LRRFIP1: variants seen among roughly 807,000 people sequenced by gnomAD.
LRRFIP1 encodes LRR binding FLII interacting protein 1.
LRRFIP1 carries 62 observed loss-of-function variants against 104.4 expected under a neutral mutation model. That is an observed-to-expected ratio of 0.59 (90% CI 0.48 to 0.73). The LOEUF (loss-of-function observed/expected upper bound fraction) is 0.73. Ranked by LOEUF, LRRFIP1 falls within the 30% of genes least tolerant of loss-of-function variation. LRRFIP1 has a pLI of 0.00. For missense variants in LRRFIP1, 796 were observed against 824.5 expected (o/e 0.97, Z 0.42); for synonymous variants, 300 against 299.0 (o/e 1.00, Z -0.03).
At chr2:237,774,575 A>G (rs2060923311) in intron 23 of LRRFIP1, 113 bp downstream of exon 23, 7 of 714,468 alleles carry the variant, frequency 9.8e-6, no homozygotes, top group South Asian at 8.8e-5. Context: ...GGTCATTGTC[A>G]GATCATCCCA....
intron 19 of LRRFIP1, chr2:237,763,138 A>G (rs1372690599): frequency 1.9e-6 from 3 of 1,614,098 alleles, no homozygotes; most frequent in African/African-American, 1.3e-5. Flanking sequence ...TAGAGAAAGA[A>G]TTCACCAACC....
chr2:237,686,755 G>T (rs534932446), intron 1 of LRRFIP1, among the ~76,000 whole-genome samples: 49 of 152,390 alleles, frequency 3.2e-4, no homozygotes, highest in African/African-American at 1.2e-3. Flanking sequence ...TCCACCGGAG[G>T]CAGTCAGGAC....
chr2:237,629,256 C>G (rs2082004470), intron 1 of LRRFIP1, among the ~76,000 whole-genome samples: 1 of 152,186 alleles, frequency 6.6e-6, no homozygotes, highest in African/African-American at 2.4e-5. Context: ...TAGACATTTG[C>G]TAAATATAGT....
chr2:237,758,587 G>C, intron 17 of LRRFIP1, 142 bp from the exon 18 acceptor site: 1 of 583,924 alleles, frequency 1.7e-6, no homozygotes, highest in Non-Finnish European at 3.0e-6. Context: ...GATTTTGTTA[G>C]TATCTTTAGG....
In LRRFIP1 at chr2:237,743,366, G is replaced by A. The variant is rs551465788; in HGVS notation, c.633+4057G>A. On this transcript the variant is annotated intron_variant, in intron 11 of 23. Transcript: ENST00000308482. Reference sequence around the variant, plus strand: ...AGGAAGTGACTGCTTGTCCCACTTCGAGAAAATGAAAATGCTTCAGTGTCC... The same window carrying A: ...AGGAAGTGACTGCTTGTCCCACTTCAAGAAAATGAAAATGCTTCAGTGTCC... Among the ~76,000 whole-genome samples the A allele has an allele frequency of 2.3e-4, 35 of 152,276 alleles. 1 individual carries two copies. In the South Asian group the frequency reaches 6.4e-3, roughly 28 times the overall value.
At chr2:237,760,266 A>C in intron 19 of LRRFIP1, 61 bp downstream of exon 19, 2 of 1,582,300 alleles carry the variant, frequency 1.3e-6, no homozygotes, top group Non-Finnish European at 1.7e-6. Flanking sequence ...TTCACCCTCC[A>C]TGCACTGCTG....
At chr2:237,774,212 C>T (rs888701622) in intron 22 of LRRFIP1, 146 bp from the exon 23 acceptor site, 2 of 619,876 alleles carry the variant, frequency 3.2e-6, no homozygotes, top group African/African-American at 3.7e-5. Flanking sequence ...GGCTCAAACC[C>T]ACACCATAGT....
chr2:237,735,626 G>T lies in LRRFIP1; in HGVS notation c.555+293G>T. 1 of 337,342 alleles carries T rather than the reference G, an allele frequency of 3.0e-6. No individual in the cohort carries two copies. The highest frequency in any genetic ancestry group is 2.1e-5 in the African/African-American group (1 of 47,322). The allele number at this position is 337,342 out of a possible 1,614,324, so 20.9% of individuals were successfully genotyped here. On this transcript the variant is annotated intron_variant, in intron 10 of 23. Transcript: ENST00000308482. The surrounding 1 kb of genome is among the most constrained non-coding windows in gnomAD (Gnocchi z 4.6). ...ACTAACAGGTGGTGAAACCGTCTTC[G>T]GTTAATAAAAACGGGAAAAGGACAA...
At chr2:237,685,104 ACC>A (rs755385140) in intron 1 of LRRFIP1, among the ~76,000 whole-genome samples, 24 of 17,412 alleles carry the variant, frequency 1.4e-3, no homozygotes, top group Non-Finnish European at 2.6e-3. Context: ...TTGTCTCCCT[ACC>A]CTCCCCCCCC....
intron 12 of LRRFIP1, among the ~76,000 whole-genome samples, 173 bp from the exon 13 acceptor site, chr2:237,749,026 G>A (rs867872790): frequency 5.9e-5 from 9 of 152,256 alleles, no homozygotes; most frequent in Admixed American, 1.3e-4. Flanking sequence ...TCTCCTGGGA[G>A]CCCACTCACT....
intron 8 of LRRFIP1, among the ~76,000 whole-genome samples, chr2:237,732,579 A>G (rs375324687): frequency 6.6e-6 from 1 of 152,260 alleles, no homozygotes; most frequent in East Asian, 1.9e-4. Flanking sequence ...ACTTTTGTCA[A>G]TCTTTTAGAA....
At position 237,773,969 on chromosome 2, in the gene LRRFIP1, C is replaced by T. The variant is rs139792438; in HGVS notation, c.1708-389C>T. On this transcript the variant is annotated intron_variant, in intron 22 of 23. Transcript: ENST00000308482. ...TCCTCGCCCTGTCCTTTCCTCCTCC[C>T]ACCCCCGCCACCCCAGGAGAGATTA... The T allele has an allele frequency of 6.0e-5, 10 of 167,524 alleles. No individual in the cohort carries two copies. The East Asian group carries it at 1.5e-3, about 24-fold the overall frequency. 10.4% of individuals were successfully genotyped at this position (167,524 alleles called of 1,614,324 possible). A position where few individuals can be genotyped will look rare whatever the true frequency, so the allele number is the denominator to read the frequency against.
chr2:237,643,140 T>C (rs1349105946), intron 1 of LRRFIP1, among the ~76,000 whole-genome samples: 3 of 152,268 alleles, frequency 2.0e-5, no homozygotes, highest in African/African-American at 7.2e-5. Flanking sequence ...TGTTTCAGGC[T>C]AGTTTGTAGC....
intron 4 of LRRFIP1, among the ~76,000 whole-genome samples, chr2:237,719,268 G>A (rs1355273580): frequency 1.3e-5 from 2 of 152,164 alleles, no homozygotes; most frequent in Non-Finnish European, 2.9e-5. Flanking sequence ...CCCAGCTTCT[G>A]CCCCAAACAC....
At chr2:237,772,030 G>T in intron 20 of LRRFIP1, 51 bp from the exon 21 acceptor site, 1 of 1,339,958 alleles carries the variant, frequency 7.5e-7, no homozygotes, top group South Asian at 1.2e-5. Context: ...CAGCTTTTCG[G>T]TCTCATTCAG....
At position 237,708,589 on chromosome 2, in the gene LRRFIP1, C is replaced by A; in HGVS notation, c.142C>A (p.Arg48Ser). The A allele has an allele frequency of 6.3e-7, 1 of 1,599,596 alleles. No homozygotes were observed. The highest frequency in any genetic ancestry group is 8.5e-7 in the Non-Finnish European group (1 of 1,171,078). ...AAKRAARAEA[R>S]EIRMKELERQ... Reference sequence around the variant, plus strand: ...AAAACGGGCGGCCCGCGCGGAGGCTCGCGAGATCCGCATGAAGGAGCTGGA... The same window carrying A: ...AAAACGGGCGGCCCGCGCGGAGGCTAGCGAGATCCGCATGAAGGAGCTGGA... The change falls in exon 2 of 24, where the codon CGC becomes AGC. Residue 48 changes from arginine to serine, a missense_variant. Arg to Ser is a moderately radical substitution (Grantham distance 110, BLOSUM62 -1). Transcript: ENST00000308482.
At chr2:237,640,637 T>C (rs1452292795) in intron 1 of LRRFIP1, among the ~76,000 whole-genome samples, 1 of 152,076 alleles carries the variant, frequency 6.6e-6, no homozygotes, top group African/African-American at 2.4e-5. Flanking sequence ...ACCGTCCCCA[T>C]ATCTCCCGTA....
chr2:237,756,321 C>G, intron 16 of LRRFIP1, 134 bp downstream of exon 16: 1 of 665,064 alleles, frequency 1.5e-6, no homozygotes, highest in Admixed American at 3.2e-5. Flanking sequence ...AATTAATTTT[C>G]TTACAATTCT....
chr2:237,717,847 C>G lies in LRRFIP1; in HGVS notation c.249+38C>G, dbSNP rs749949331. On this transcript the variant is annotated intron_variant, in intron 4 of 23. Transcript: ENST00000308482. This position sits in a 1 kb window ranked among gnomAD's most constrained non-coding sequence, Gnocchi z 4.2. ...TATAATTTTGTTTTTACTCTTCCCT[C>G]CCCACTTGAATACAGTGTTGAGACT... 6.7e-7 allele frequency: 1 copy of G among 1,481,538 alleles called. No individual in the cohort carries two copies. Among genetic ancestry groups the G allele is most frequent in the South Asian group, 1.1e-5 (1 of 88,302 alleles). The allele number at this position is 1,481,538 out of a possible 1,614,324, so 91.8% of individuals were successfully genotyped here. A position where few individuals can be genotyped will look rare whatever the true frequency, so the allele number is the denominator to read the frequency against.
Sources: allele counts gnomAD v4.1 joint callset (sites outside exome capture counted in the v4.1 genomes callset), GRCh38; gene constraint gnomAD v4.1.1; non-coding constraint Gnocchi (gnomAD v3.1); transcripts MANE v1.5; gene names NCBI Gene and HGNC (gene_info 2026-07-23, HGNC 2026-07-21).